CPE: variants seen among roughly 807,000 people sequenced by gnomAD.
The protein encoded by CPE is carbocypeptidase E.
In CPE, 17 loss-of-function variants were observed where a neutral mutation model predicts 53.5. The observed-to-expected ratio is 0.32, with a 90% CI of 0.22 to 0.48. The LOEUF (loss-of-function observed/expected upper bound fraction) is 0.48. Ranked by LOEUF, CPE falls within the 20% of genes least tolerant of loss-of-function variation. The pLI is 0.99. For missense variants in CPE, 524 were observed against 614.7 expected (o/e 0.85, Z 1.56); for synonymous variants, 226 against 228.8 (o/e 0.99, Z 0.11).
At position 165,487,532 on chromosome 4, in the gene CPE, C is replaced by T. The variant is rs1442814949; in HGVS notation, c.1068C>T (p.Thr356=). ...TCCCACCTGAAGAGACTCTGAAGAC[C>T]TACTGGGAGGATAACAAAAACTCCC... ...EKFPPEETLK[T]YWEDNKNSLI... is the part of the protein sequence containing the mutation. Residue 356 remains threonine (T), a synonymous_variant, in exon 6 of 9, where the codon ACC becomes ACT. Transcript: ENST00000402744. 8.7e-6 allele frequency: 14 copies of T among 1,613,926 alleles called. No individual in the cohort carries two copies. Among genetic ancestry groups the T allele is most frequent in the African/African-American group, 2.7e-5 (2 of 74,888 alleles).
intron 1 of CPE, among the ~76,000 whole-genome samples, chr4:165,385,782 A>G (rs1730582296): frequency 6.6e-6 from 1 of 152,200 alleles, no homozygotes; most frequent in South Asian, 2.1e-4. Flanking sequence ...TTGTTTCTTT[A>G]GGTAGCCAAA....
At chr4:165,475,234 A>C (rs56914186) in intron 3 of CPE, among the ~76,000 whole-genome samples, 22,138 of 152,138 alleles carry the variant, frequency 0.15, 1,958 homozygotes, top group East Asian at 0.23. Context: ...CACAGTGAGG[A>C]CCTATGCAGA....
intron 6 of CPE, among the ~76,000 whole-genome samples, chr4:165,489,118 C>T (rs1300182020): frequency 2.0e-5 from 3 of 152,146 alleles, no homozygotes; most frequent in Non-Finnish European, 4.4e-5. Context: ...GGAACCCCTA[C>T]AGAATGTCTC....
At position 165,467,747 on chromosome 4, in the gene CPE, C is replaced by G; in HGVS notation, c.564C>G (p.Asn188Lys). 6.2e-7 allele frequency: 1 copy of G among 1,613,264 alleles called. No homozygotes were observed. Among genetic ancestry groups the G allele is most frequent in the Non-Finnish European group, 8.5e-7 (1 of 1,179,710 alleles). ...GRSNAQGIDL[N>K]RNFPDLDRIV... ...GCAATGCCCAGGGAATAGATCTGAA[C>G]CGGAACTTTCCAGACCTGGATAGGA... Residue 188 changes from asparagine (N) to lysine (K), a missense_variant, in exon 3 of 9, where the codon AAC becomes AAG. Physicochemically the swap from Asn to Lys is moderately conservative, Grantham distance 94. Transcript: ENST00000402744.
intron 1 of CPE, among the ~76,000 whole-genome samples, chr4:165,402,474 G>A (rs1730884162): frequency 6.6e-6 from 1 of 152,206 alleles, no homozygotes; most frequent in South Asian, 2.1e-4. Flanking sequence ...TGGAGACGGA[G>A]CCTGTTGGGA....
chr4:165,386,485 G>A (rs749452437), intron 1 of CPE: 5 of 346,754 alleles, frequency 1.4e-5, no homozygotes, highest in African/African-American at 2.3e-5. Context: ...ATGCATATTA[G>A]CATGCCAGTA....
intron 1 of CPE, among the ~76,000 whole-genome samples, chr4:165,451,573 C>A (rs1018101001): frequency 2.4e-4 from 37 of 152,094 alleles, no homozygotes; most frequent in Non-Finnish European, 2.6e-4. Flanking sequence ...TTCACTGCAA[C>A]CTCCACCTCC....
At chr4:165,415,735 C>T (rs968270236) in intron 1 of CPE, among the ~76,000 whole-genome samples, 3 of 148,966 alleles carry the variant, frequency 2.0e-5, no homozygotes, top group Non-Finnish European at 4.5e-5. Context: ...TTGTCTAGTA[C>T]ATATATAGTA....
chr4:165,403,668 T>C (rs1344371577), intron 1 of CPE, among the ~76,000 whole-genome samples: 1 of 150,078 alleles, frequency 6.7e-6, no homozygotes, highest in African/African-American at 2.5e-5. Flanking sequence ...TTAATTTCAT[T>C]CTTTTTTTTT....
intron 1 of CPE, among the ~76,000 whole-genome samples, chr4:165,439,526 G>A (rs1212101617): frequency 1.3e-5 from 2 of 149,726 alleles, no homozygotes; most frequent in African/African-American, 4.9e-5. Flanking sequence ...CCACATAAAA[G>A]GAACAATGTG....
intron 1 of CPE, among the ~76,000 whole-genome samples, chr4:165,414,160 C>A (rs935173972): frequency 1.3e-5 from 2 of 152,050 alleles, no homozygotes; most frequent in Non-Finnish European, 2.9e-5. Context: ...ATATTTTAAG[C>A]CTTTACTGTT....
chr4:165,409,331 A>G (rs191910174), intron 1 of CPE, among the ~76,000 whole-genome samples: 15 of 152,140 alleles, frequency 9.9e-5, no homozygotes, highest in East Asian at 7.8e-4. Context: ...AGCCTCCCCA[A>G]TAGCTAGGAT....
chr4:165,383,110 C>T (rs1036397156), intron 1 of CPE, among the ~76,000 whole-genome samples: 7 of 152,132 alleles, frequency 4.6e-5, no homozygotes, highest in African/African-American at 1.4e-4. Flanking sequence ...GTCTGGACCC[C>T]AGATGGGTTT....
intron 1 of CPE, among the ~76,000 whole-genome samples, chr4:165,441,780 C>T (rs1731615231): frequency 6.6e-6 from 1 of 152,126 alleles, no homozygotes. Context: ...ACTGTTGCTC[C>T]AGCCCAATTG....
chr4:165,427,117 A>G (rs34313639), intron 1 of CPE, among the ~76,000 whole-genome samples: 44,806 of 151,940 alleles, frequency 0.29, 6,713 homozygotes, highest in Middle Eastern at 0.39. Flanking sequence ...GGAATTTTCC[A>G]TTGTGGGCAT....
At chr4:165,424,678 C>T (rs184653428) in intron 1 of CPE, among the ~76,000 whole-genome samples, 1,529 of 151,710 alleles carry the variant, frequency 0.01, 21 homozygotes, top group African/African-American at 0.034. Flanking sequence ...GGATTACAGG[C>T]GCCCGCCACC....
chr4:165,489,091 C>T (rs1270061367), intron 6 of CPE, among the ~76,000 whole-genome samples: 1 of 152,094 alleles, frequency 6.6e-6, no homozygotes, highest in Admixed American at 6.6e-5. Context: ...CACGATGACT[C>T]TAGAACAACT....
chr4:165,396,471 A>C (rs139811581), intron 1 of CPE, among the ~76,000 whole-genome samples: 1 of 152,132 alleles, frequency 6.6e-6, no homozygotes, highest in East Asian at 1.9e-4. Context: ...CAGGAGTTTG[A>C]GACCAGCCTG....
chr4:165,458,894 G>A (rs941866604), intron 1 of CPE, among the ~76,000 whole-genome samples: 1 of 152,172 alleles, frequency 6.6e-6, no homozygotes, highest in Non-Finnish European at 1.5e-5. Context: ...TCATAGGAGT[G>A]GAAGACAATA....
Sources: gnomAD v4.1 joint callset for allele counts (sites outside exome capture counted in the v4.1 genomes callset) on GRCh38, gnomAD v4.1.1 for gene constraint, MANE v1.5 for transcripts, NCBI Gene and HGNC (gene_info 2026-07-23, HGNC 2026-07-21) for gene names.